The following MLLT3 variants were observed in gnomAD, a reference collection of about 807,000 sequenced individuals.
The protein encoded by MLLT3 is MLLT3 super elongation complex subunit.
A neutral mutation model predicts 53.2 loss-of-function variants in MLLT3; 4 were observed. The ratio of observed to expected loss-of-function variants is 0.08; its 90% CI spans 0.04 to 0.17. The LOEUF is 0.17. MLLT3 is among the 10% of genes least tolerant of loss of function. The pLI, the probability that MLLT3 is intolerant of heterozygous loss-of-function variation, is 1.00. For missense variants in MLLT3, 569 were observed against 684.0 expected (o/e 0.83, Z 1.87); for synonymous variants, 283 against 230.6 (o/e 1.23, Z -2.06).
intron 4 of MLLT3, among the ~76,000 whole-genome samples, chr9:20,442,483 T>C (rs1300948694): frequency 1.3e-5 from 2 of 152,306 alleles, no homozygotes; most frequent in East Asian, 3.9e-4. Flanking sequence ...TGTGTGTATA[T>C]TTACCTATTC....
At chr9:20,429,641 A>C (rs1040727597) in intron 4 of MLLT3, among the ~76,000 whole-genome samples, 1 of 152,186 alleles carries the variant, frequency 6.6e-6, no homozygotes, top group Non-Finnish European at 1.5e-5. Flanking sequence ...AATGCTTGTC[A>C]AGCACTACAT....
At chr9:20,589,835 C>T (rs1449794808) in intron 2 of MLLT3, among the ~76,000 whole-genome samples, 1 of 151,742 alleles carries the variant, frequency 6.6e-6, no homozygotes, top group Non-Finnish European at 1.5e-5. Context: ...CTCAGCCTCC[C>T]AAGTAGCTGG....
At chr9:20,368,359 G>C (rs1016362691) in intron 5 of MLLT3, among the ~76,000 whole-genome samples, 2 of 152,130 alleles carry the variant, frequency 1.3e-5, no homozygotes, top group Non-Finnish European at 2.9e-5. Context: ...GCCTGCAAAT[G>C]ATATTATTTT....
chr9:20,512,066 G>C (rs1817766740), intron 2 of MLLT3, among the ~76,000 whole-genome samples: 1 of 152,166 alleles, frequency 6.6e-6, no homozygotes, highest in Non-Finnish European at 1.5e-5. Context: ...ATGAGACACA[G>C]ACCTCTTCAT....
At chr9:20,451,530 G>T (rs1823838529) in intron 3 of MLLT3, among the ~76,000 whole-genome samples, 1 of 152,034 alleles carries the variant, frequency 6.6e-6, no homozygotes, top group Non-Finnish European at 1.5e-5. Context: ...TTTTTTTAAA[G>T]ATTTTTTTTA....
chr9:20,538,717 A>G (rs377490501), intron 2 of MLLT3, among the ~76,000 whole-genome samples: 1 of 152,252 alleles, frequency 6.6e-6, no homozygotes, highest in Non-Finnish European at 1.5e-5. Context: ...GTTTTTAAAC[A>G]TTCCTATTTA....
intron 5 of MLLT3, among the ~76,000 whole-genome samples, chr9:20,376,891 C>T (rs1821778891): frequency 6.6e-6 from 1 of 152,212 alleles, no homozygotes; most frequent in African/African-American, 2.4e-5. Flanking sequence ...CATCTGAAAA[C>T]AGACCACTTA....
chr9:20,461,310 A>G (rs181853128), intron 2 of MLLT3, among the ~76,000 whole-genome samples: 60 of 152,322 alleles, frequency 3.9e-4, no homozygotes, highest in African/African-American at 1.3e-3. Flanking sequence ...TACATTGACC[A>G]ATAACCTATT....
intron 2 of MLLT3, among the ~76,000 whole-genome samples, chr9:20,549,016 T>C (rs1219168794): frequency 6.6e-6 from 1 of 152,100 alleles, no homozygotes; most frequent in African/African-American, 2.4e-5. Flanking sequence ...GGTTTCACCA[T>C]GTTGCCCAGG....
rs1010756536 is a variant in MLLT3 at position 20,342,379 on chromosome 9, A to T, written c.*4064T>A. ...CAACATAACTACACATACACAGTCC[A>T]TTAAAAAGATACTGACAGATTTATA... On this transcript the variant is annotated 3_prime_UTR_variant, in exon 11 of 11. Coordinates refer to ENST00000380338, the MANE Select transcript of MLLT3 (RefSeq NM_004529.4). 8.9e-6 allele frequency: 2 copies of T among 224,106 alleles called. No individual in the cohort carries two copies. The highest frequency in any genetic ancestry group is 1.8e-5 in the Non-Finnish European group (2 of 112,400). The allele number at this position is 224,106 out of a possible 1,614,324, so 13.9% of individuals were successfully genotyped here.
intron 2 of MLLT3, among the ~76,000 whole-genome samples, chr9:20,600,302 C>T (rs1008603480): frequency 6.6e-6 from 1 of 152,206 alleles, no homozygotes; most frequent in African/African-American, 2.4e-5. Context: ...TGATGCCAGA[C>T]TAAGCATTTC....
intron 2 of MLLT3, among the ~76,000 whole-genome samples, chr9:20,544,096 A>G (rs1471156782): frequency 6.6e-6 from 1 of 152,252 alleles, no homozygotes; most frequent in African/African-American, 2.4e-5. Context: ...CCAAGGCTAC[A>G]CAATGGGGAA....
chr9:20,455,118 T>A (rs1231850467), intron 3 of MLLT3, among the ~76,000 whole-genome samples: 1 of 152,236 alleles, frequency 6.6e-6, no homozygotes, highest in Non-Finnish European at 1.5e-5. Context: ...AAATGAGCAC[T>A]TCAATATGAA....
chr9:20,621,619 A>C lies in MLLT3; in HGVS notation c.12+626T>G, dbSNP rs950815234. Among the ~76,000 whole-genome samples the C allele has an allele frequency of 3.3e-5, 5 of 151,698 alleles. No homozygotes were observed. The highest frequency in any genetic ancestry group is 1.2e-4 in the African/African-American group (5 of 41,336). ...AAAGTATCTCCCACCTCCCCCCAAAAAATGAAATTCAGAAAGGCAGGGCGG... is the reference window on the plus strand; with the variant it reads ...AAAGTATCTCCCACCTCCCCCCAAACAATGAAATTCAGAAAGGCAGGGCGG... On this transcript the variant is annotated intron_variant, in intron 1 of 10. Coordinates refer to ENST00000380338, the MANE Select transcript of MLLT3 (RefSeq NM_004529.4). The surrounding 1 kb of genome is among the most constrained non-coding windows in gnomAD (Gnocchi z 7.0).
intron 2 of MLLT3, among the ~76,000 whole-genome samples, chr9:20,486,832 T>A (rs1162633086): frequency 6.6e-6 from 1 of 152,186 alleles, no homozygotes; most frequent in East Asian, 1.9e-4. Context: ...TCCATCAGCT[T>A]GTTTATTCTC....
chr9:20,343,305 C>A lies in MLLT3; in HGVS notation c.*3138G>T, dbSNP rs1479814016. 1.0e-5 allele frequency: 2 copies of A among 195,374 alleles called. No individual in the cohort carries two copies. The highest frequency in any genetic ancestry group is 2.1e-5 in the Non-Finnish European group (2 of 96,430). The allele number at this position is 195,374 out of a possible 1,614,324, so 12.1% of individuals were successfully genotyped here. A position where few individuals can be genotyped will look rare whatever the true frequency, so the allele number is the denominator to read the frequency against. ...TTCAGATTAGAGAGATTTAAATTGC[C>A]TAGCAATTTAAAATGTTTAAGACAC... On this transcript the variant is annotated 3_prime_UTR_variant, in exon 11 of 11. Coordinates refer to ENST00000380338, the MANE Select transcript of MLLT3 (RefSeq NM_004529.4).
At chr9:20,500,782 G>A (rs543016275) in intron 2 of MLLT3, among the ~76,000 whole-genome samples, 1 of 152,082 alleles carries the variant, frequency 6.6e-6, no homozygotes, top group African/African-American at 2.4e-5. Flanking sequence ...TACAAAAACC[G>A]AATTCAGAAG....
Position 20,544,038 on chromosome 9 carries a change from C to T in MLLT3, c.193+76616G>A, listed in dbSNP as rs147955075. Among the ~76,000 whole-genome samples, 92 of 152,240 alleles carry T rather than the reference C, an allele frequency of 6.0e-4. 2 individuals carry two copies. The highest frequency in any genetic ancestry group is 1.2e-3 in the Non-Finnish European group (81 of 68,012). On this transcript the variant is annotated intron_variant, in intron 2 of 10. Coordinates refer to ENST00000380338, the MANE Select transcript of MLLT3 (RefSeq NM_004529.4). ...AATAAACAGAACAGAATAGAGAACC[C>T]AGAAGTAAAGTCTTATAGATATGGA... is the stretch of plus-strand genomic sequence containing the variant.
intron 2 of MLLT3, among the ~76,000 whole-genome samples, chr9:20,545,792 G>A (rs1818770746): frequency 6.8e-6 from 1 of 147,424 alleles, no homozygotes. Context: ...GTCAGGATGG[G>A]AGGATCCCTT....
Sources: gnomAD v4.1 joint callset for allele counts (sites outside exome capture counted in the v4.1 genomes callset) on GRCh38, gnomAD v4.1.1 for gene constraint, Gnocchi (gnomAD v3.1) non-coding constraint, MANE v1.5 for transcripts, NCBI Gene and HGNC (gene_info 2026-07-23, HGNC 2026-07-21) for gene names.